PTPRD: variants seen among roughly 807,000 people sequenced by gnomAD.
PTPRD encodes the protein receptor-type tyrosine-protein phosphatase delta.
A neutral mutation model predicts 214.5 loss-of-function variants in PTPRD; 34 were observed. That is an observed-to-expected ratio of 0.16 (90% CI 0.12 to 0.21). PTPRD has a LOEUF of 0.21. Among genes scored for constraint, PTPRD ranks in the 10% least tolerant of loss-of-function variants. The pLI is 1.00. For synonymous variants in PTPRD, 1,128 were observed against 845.7 expected (o/e 1.33, Z -5.79); for missense variants, 2,545 against 2,398.7 (o/e 1.06, Z -1.27).
chr9:9,374,187 T>C (rs564338564), intron 9 of PTPRD, among the ~76,000 whole-genome samples: 2 of 152,156 alleles, frequency 1.3e-5, no homozygotes, highest in African/African-American at 4.8e-5. Context: ...TATTCCATCA[T>C]ATATATAAAA....
chr9:8,729,177 C>G (rs936687889), intron 12 of PTPRD, among the ~76,000 whole-genome samples: 1 of 152,088 alleles, frequency 6.6e-6, no homozygotes, highest in Non-Finnish European at 1.5e-5. Flanking sequence ...GGCAACCGTA[C>G]AAACAGAGGA....
chr9:9,184,596 G>C (rs755405283), intron 9 of PTPRD, among the ~76,000 whole-genome samples: 4 of 152,018 alleles, frequency 2.6e-5, no homozygotes, highest in Non-Finnish European at 5.9e-5. Context: ...TTATGTAAAT[G>C]AGAATTAAAT....
At chr9:8,842,297 C>A (rs2097574058) in intron 11 of PTPRD, among the ~76,000 whole-genome samples, 1 of 151,442 alleles carries the variant, frequency 6.6e-6, no homozygotes, top group Admixed American at 6.6e-5. Context: ...ACTATGTTTT[C>A]AGATAAAAGG....
intron 7 of PTPRD, among the ~76,000 whole-genome samples, chr9:9,657,163 T>C (rs1361904340): frequency 6.6e-6 from 1 of 152,042 alleles, no homozygotes; most frequent in African/African-American, 2.4e-5. Flanking sequence ...CCTCCACCTG[T>C]GTCATGTCAA....
chr9:10,242,199 G>C (rs2091212330), intron 3 of PTPRD, among the ~76,000 whole-genome samples: 1 of 151,858 alleles, frequency 6.6e-6, no homozygotes, highest in Non-Finnish European at 1.5e-5. Flanking sequence ...CCTATGACTG[G>C]CTGCACTGGA....
At chr9:8,929,863 A>ATATATG (rs1411347412) in intron 11 of PTPRD, among the ~76,000 whole-genome samples, 1 of 97,238 alleles carries the variant, frequency 1.0e-5, no homozygotes, top group East Asian at 3.2e-4. Flanking sequence ...ATATGTGTAT[A>ATATATG]TACATGTGTG....
intron 10 of PTPRD, among the ~76,000 whole-genome samples, chr9:9,111,392 T>C (rs962230064): frequency 1.3e-5 from 2 of 151,842 alleles, no homozygotes; most frequent in African/African-American, 4.8e-5. Flanking sequence ...AATCTTCTGA[T>C]CGCCGCCTTC....
intron 35 of PTPRD, among the ~76,000 whole-genome samples, chr9:8,434,296 C>T (rs759990899): frequency 3.9e-5 from 6 of 152,122 alleles, no homozygotes; most frequent in Admixed American, 3.9e-4. Flanking sequence ...ATCTTTTTTA[C>T]AGTATTTTTT....
rs144985948 is a variant in PTPRD, at chr9:10,144,773, A to G, written c.-544-110983T>C. On this transcript the variant is annotated intron_variant, in intron 3 of 45. Transcript: ENST00000381196. ...AACGATCTGTCAGCATTCCCATTAT[A>G]AATCTCTCTCTCTAATGGATTATAA... 3.4e-3 allele frequency among the ~76,000 whole-genome samples: 521 copies of G among 152,238 alleles called. 11 individuals are homozygous for G. Among genetic ancestry groups the G allele is most frequent in the Admixed American group, 0.033 (504 of 15,240 alleles).
At chr9:10,361,100 A>G (rs773411243) in intron 2 of PTPRD, among the ~76,000 whole-genome samples, 3 of 152,212 alleles carry the variant, frequency 2.0e-5, no homozygotes, top group Non-Finnish European at 4.4e-5. Context: ...ACTCTGTCTC[A>G]AAAACAAAAC....
intron 8 of PTPRD, among the ~76,000 whole-genome samples, chr9:9,401,327 G>A (rs764053798): frequency 6.5e-4 from 99 of 151,996 alleles, no homozygotes; most frequent in Non-Finnish European, 8.7e-4. Context: ...AGTAATCAGA[G>A]AAATCCCCCT....
At chr9:9,076,808 G>A (rs1426574097) in intron 10 of PTPRD, among the ~76,000 whole-genome samples, 2 of 140,212 alleles carry the variant, frequency 1.4e-5, no homozygotes, top group African/African-American at 5.4e-5. Context: ...TTTTTTTTTG[G>A]TTATATACCT....
chr9:9,651,420 G>A (rs1014025053), intron 7 of PTPRD, among the ~76,000 whole-genome samples: 5 of 152,024 alleles, frequency 3.3e-5, no homozygotes, highest in Admixed American at 3.3e-4. Context: ...AAAAACCTTA[G>A]GGAGTGTTGT....
At chr9:9,705,295 G>T (rs1564651206) in intron 7 of PTPRD, among the ~76,000 whole-genome samples, 1 of 152,128 alleles carries the variant, frequency 6.6e-6, no homozygotes, top group African/African-American at 2.4e-5. Flanking sequence ...TTGAAATGTA[G>T]AATTATACAT....
At chr9:8,395,597 C>G (rs766086559) in intron 36 of PTPRD, among the ~76,000 whole-genome samples, 9 of 152,104 alleles carry the variant, frequency 5.9e-5, no homozygotes, top group Non-Finnish European at 5.9e-5. Context: ...CCTGGTATAG[C>G]TGCAGTCTTT....
chr9:10,002,703 A>G (rs2096357880), intron 4 of PTPRD, among the ~76,000 whole-genome samples: 1 of 151,556 alleles, frequency 6.6e-6, no homozygotes, highest in Admixed American at 6.6e-5. Context: ...AAAAACTTAC[A>G]GAAACAAAGA....
intron 10 of PTPRD, among the ~76,000 whole-genome samples, chr9:9,065,685 G>C (rs893592636): frequency 3.9e-4 from 60 of 152,128 alleles, no homozygotes; most frequent in African/African-American, 1.4e-3. Flanking sequence ...GGAGTGAGAT[G>C]ATGATGGCTT....
intron 2 of PTPRD, among the ~76,000 whole-genome samples, chr9:10,605,431 TA>T (rs1474863414): frequency 2.6e-5 from 4 of 151,922 alleles, no homozygotes; most frequent in African/African-American, 9.7e-5. Context: ...GGCGTATTTT[TA>T]TCATGCTTTA....
chr9:10,469,147 C>G (rs2099013845), intron 2 of PTPRD, among the ~76,000 whole-genome samples: 1 of 152,022 alleles, frequency 6.6e-6, no homozygotes, highest in Non-Finnish European at 1.5e-5. Flanking sequence ...AAGAGTTATA[C>G]CAATCCAAAT....
Sources: gnomAD v4.1 joint callset for allele counts (sites outside exome capture counted in the v4.1 genomes callset) on GRCh38, gnomAD v4.1.1 for gene constraint, MANE v1.5 for transcripts, NCBI Gene and HGNC (gene_info 2026-07-23, HGNC 2026-07-21) for gene names.